Variants in TCIRG1 observed in about 807,000 individuals in gnomAD.
The protein encoded by TCIRG1 is T cell immune regulator 1, ATPase H+ transporting V0 subunit a3.
Under a neutral mutation model 95.5 loss-of-function variants are expected in TCIRG1, and 86 were observed. The observed-to-expected ratio is 0.90, with a 90% CI of 0.76 to 1.08. The LOEUF (loss-of-function observed/expected upper bound fraction) is 1.08. TCIRG1 is among the 50% of genes least tolerant of loss of function. The pLI is 0.00. For missense variants in TCIRG1, 1,069 were observed against 1,140.2 expected (o/e 0.94, Z 0.90); for synonymous variants, 499 against 501.3 (o/e 1.00, Z 0.06).
At chr11:68,050,688 G>T in intron 19 of TCIRG1, 24 bp downstream of exon 19, 1 of 1,613,646 alleles carries the variant, frequency 6.2e-7, no homozygotes, top group Non-Finnish European at 8.5e-7. Context: ...CACTGGCCTG[G>T]GCTGCTCAAG....
At chr11:68,053,727 T>G (rs1855887515), downstream of TCIRG1, 1 of 388,584 alleles carries the variant, frequency 2.6e-6, no homozygotes, top group Non-Finnish European at 4.6e-6. Flanking sequence ...TTCTCTAGAT[T>G]AAAAGGATTC....
Position 68,048,053 on chromosome 11 carries a change from T to C in TCIRG1, c.1554+81T>C, listed in dbSNP as rs533485166. The C allele has an allele frequency of 3.2e-6, 4 of 1,266,642 alleles. No homozygotes were observed. The East Asian group carries it at 7.0e-5, about 22-fold the overall frequency. 78.5% of individuals were successfully genotyped at this position (1,266,642 alleles called of 1,614,324 possible). On this transcript the variant is annotated intron_variant, in intron 13 of 19. Transcript: ENST00000265686. ...GGGGCTCCCCTCGGTTCAGCCGTCC[T>C]GCAGCGCTGTCGCTGAGCACTCCTG...
At chr11:68,050,420 G>C (rs566589813) in intron 18 of TCIRG1, 67 bp from the exon 19 acceptor site, 3 of 1,610,662 alleles carry the variant, frequency 1.9e-6, no homozygotes, top group East Asian at 2.2e-5. Context: ...TTCAGGCTGC[G>C]GCAGGTAGGT....
At position 68,047,916 on chromosome 11, in the gene TCIRG1, C is replaced by G. The variant is rs1160743125; in HGVS notation, c.1498C>G (p.Leu500Val). Residue 500 changes from leucine to valine, a missense_variant, in exon 13 of 20, where the codon CTG (leucine) becomes GTG (valine). Leu to Val is a conservative substitution (Grantham distance 32). Transcript: ENST00000265686. ...CCTGGCCCAGCACACGATGCTTACC[C>G]TGGATCCCAACGTCACCGGTGTCTT... Reference protein sequence around the residue: ...AFLAQHTMLTLDPNVTGVFLG... With the variant: ...AFLAQHTMLTVDPNVTGVFLG... The G allele has an allele frequency of 1.9e-6, 3 of 1,613,826 alleles. No homozygotes were observed. Among genetic ancestry groups the G allele is most frequent in the Admixed American group, 3.3e-5 (2 of 60,032 alleles).
At chr11:68,052,446 G>A (rs1226699753), downstream of TCIRG1, 1 of 152,290 alleles carries the variant, frequency 6.6e-6, no homozygotes, top group Non-Finnish European at 1.5e-5. Context: ...AAGACGGTGA[G>A]TGAGAAGCCA....
chr11:68,044,396 G>A lies in TCIRG1; in HGVS notation c.1020+52G>A, dbSNP rs369363910. The A allele has an allele frequency of 2.2e-3, 3,176 of 1,455,492 alleles. 6 individuals are homozygous for A. The highest frequency in any genetic ancestry group is 2.6e-3 in the Non-Finnish European group (2,807 of 1,074,326). 90.2% of individuals were successfully genotyped at this position (1,455,492 alleles called of 1,614,324 possible). A position where few individuals can be genotyped will look rare whatever the true frequency, so the allele number is the denominator to read the frequency against. On this transcript the variant is annotated intron_variant, in intron 9 of 19. Transcript: ENST00000265686. ...CTCCGCCCGCCCCTCCTACCAGGCC[G>A]GGGCGTTTCTGCCTCACTTCCAGCC...
At chr11:68,048,296 C>T in intron 13 of TCIRG1, 1 of 447,594 alleles carries the variant, frequency 2.2e-6, no homozygotes, top group Non-Finnish European at 4.1e-6. Flanking sequence ...TTTCTTTTTT[C>T]TTTTTTTTAT....
At position 68,041,846 on chromosome 11, in the gene TCIRG1, G is replaced by C; in HGVS notation, c.196+15G>C. ...GAAGACCTTCAGTGAGTTGGTCCCA[G>C]GCCTACATTCCAGGCAGGCTTCCTG... On this transcript the variant is annotated intron_variant, in intron 3 of 19. Transcript: ENST00000265686. 1 of 1,597,892 alleles carries C rather than the reference G, an allele frequency of 6.3e-7. No individual in the cohort carries two copies. The highest frequency in any genetic ancestry group is 1.1e-5 in the South Asian group (1 of 88,592).
In TCIRG1 at chr11:68,050,227, C is replaced by G. The variant is rs1344387953; in HGVS notation, c.2209C>G (p.Leu737Val). 1 of 1,613,312 alleles carries G rather than the reference C, an allele frequency of 6.2e-7. No homozygotes were observed. Among genetic ancestry groups the G allele is most frequent in the African/African-American group, 1.3e-5 (1 of 74,938 alleles). The change falls in exon 18 of 20, where the codon CTG becomes GTG. Residue 737 changes from leucine to valine, a missense_variant. Leu to Val is a conservative substitution (Grantham distance 32). Transcript: ENST00000265686. ...CTCCAACACCGCCTCCTACCTGCGC[C>G]TGTGGGCCCTGAGCCTGGCCCACGC... ...CVSNTASYLR[L>V]WALSLAHAQL...
chr11:68,047,145 G>T, intron 10 of TCIRG1: 1 of 435,172 alleles, frequency 2.3e-6, no homozygotes, highest in Non-Finnish European at 4.3e-6. Flanking sequence ...TGAGTAGCTG[G>T]GATTACAGGC....
rs34506126 is a variant in TCIRG1 at position 68,041,463 on chromosome 11, G to GCC, written c.117+81_117+82dup. 37 of 1,097,410 alleles carry GCC rather than the reference G, an allele frequency of 3.4e-5. No homozygotes were observed. In the African/African-American group the frequency reaches 4.2e-4, roughly 12 times the overall value. 68.0% of individuals were successfully genotyped at this position (1,097,410 alleles called of 1,614,324 possible). On this transcript the variant is annotated intron_variant, in intron 2 of 19. Coordinates refer to ENST00000265686, the MANE Select transcript of TCIRG1 (RefSeq NM_006019.4). ...CGGAGGCCGGTCCAGGATGGGGACTGCCCCCCCTCCGCCATAGGGCCCTGG... is the reference window on the plus strand; with the variant it reads ...CGGAGGCCGGTCCAGGATGGGGACTGCCCCCCCCCTCCGCCATAGGGCCCTGG...
Position 68,043,367 on chromosome 11 carries a change from C to T in TCIRG1, c.504-4C>T. On this transcript the variant is annotated splice_polypyrimidine_tract_variant and splice_region_variant and intron_variant, in intron 5 of 19. Transcript: ENST00000265686. ...GCAGCCCTGCCCAGCCCCGTGGCCGCCAGCTTTGTGGCAGGTGCCGTGGAG... is the reference window on the plus strand; with the variant it reads ...GCAGCCCTGCCCAGCCCCGTGGCCGTCAGCTTTGTGGCAGGTGCCGTGGAG... 1 of 1,540,402 alleles carries T rather than the reference C, an allele frequency of 6.5e-7. No homozygotes were observed. Among genetic ancestry groups the T allele is most frequent in the South Asian group, 1.2e-5 (1 of 83,910 alleles).
In TCIRG1 at chr11:68,050,287, G is replaced by A. The variant is rs765257853; in HGVS notation, c.2236+33G>A. ...ACCTGGCCACCGACGGCTGGCCCCA[G>A]CTCCTGGCTTCTCACATACCGCTGC... On this transcript the variant is annotated intron_variant, in intron 18 of 19. Coordinates refer to ENST00000265686, the MANE Select transcript of TCIRG1 (RefSeq NM_006019.4). 5.6e-6 allele frequency: 9 copies of A among 1,605,312 alleles called. No homozygotes were observed. The South Asian group carries it at 8.8e-5, about 16-fold the overall frequency.
At chr11:68,048,795 TGAGA>T in intron 13 of TCIRG1, 80 bp from the exon 14 acceptor site, 1 of 1,010,230 alleles carries the variant, frequency 9.9e-7, no homozygotes, top group South Asian at 1.3e-5. Context: ...AACAGGGTGG[TGAGA>T]GAGTGACTCG....
In TCIRG1 at chr11:68,048,860, A is replaced by G. The variant is rs1565162048; in HGVS notation, c.1555-19A>G. On this transcript the variant is annotated intron_variant, in intron 13 of 19. Transcript: ENST00000265686. The stretch of plus-strand genomic sequence containing the variant: ...GCGAGGGAGCCCCTGAGTCCAGCCC[A>G]CCCCTGCTGCCACCCTAGATTTGGA... The G allele has an allele frequency of 6.3e-7, 1 of 1,579,608 alleles. No homozygotes were observed. The highest frequency in any genetic ancestry group is 8.7e-7 in the Non-Finnish European group (1 of 1,154,886).
At chr11:68,051,259 G>C (rs977111258), downstream of TCIRG1, among the ~76,000 whole-genome samples, 1 of 152,150 alleles carries the variant, frequency 6.6e-6, no homozygotes, top group Non-Finnish European at 1.5e-5. Context: ...GGGCACCTGA[G>C]CCCCGGCCAG....
chr11:68,047,266 C>G (rs1314858022), intron 10 of TCIRG1, among the ~76,000 whole-genome samples, 167 bp from the exon 11 acceptor site: 3 of 93,714 alleles, frequency 3.2e-5, no homozygotes, highest in South Asian at 5.0e-4. Flanking sequence ...CCCCCCCCCC[C>G]CGTCTCGGCC....
Position 68,043,624 on chromosome 11 carries a change from C to A in TCIRG1, c.684C>A (p.Ile228=). 6.2e-7 allele frequency: 1 copy of A among 1,611,234 alleles called. No individual in the cohort carries two copies. The highest frequency in any genetic ancestry group is 8.5e-7 in the Non-Finnish European group (1 of 1,179,226). ...TCATCTCCTACTGGGGTGAGCAGAT[C>A]GGACAGAAGATCCGCAAGATCACGG... ...TFLISYWGEQ[I]GQKIRKITDC... Residue 228 remains isoleucine, a synonymous_variant, in exon 7 of 20, where the codon ATC becomes ATA. Coordinates refer to ENST00000265686, the MANE Select transcript of TCIRG1 (RefSeq NM_006019.4).
intron 2 of TCIRG1, 145 bp downstream of exon 2, chr11:68,041,533 G>T (rs776470661): frequency 9.5e-6 from 7 of 739,170 alleles, no homozygotes; most frequent in Non-Finnish European, 1.6e-5. Flanking sequence ...ACTGCTCATG[G>T]GAAGCCCGCA....
Sources: gnomAD v4.1 joint callset for allele counts (sites outside exome capture counted in the v4.1 genomes callset) on GRCh38, gnomAD v4.1.1 for gene constraint, MANE v1.5 for transcripts, NCBI Gene and HGNC (gene_info 2026-07-23, HGNC 2026-07-21) for gene names.